The following IGSF10 variants were observed in gnomAD, a reference collection of about 807,000 sequenced individuals.
IGSF10 encodes the protein calvaria mechanical force protein 608.
In IGSF10, 126 loss-of-function variants were observed where a neutral mutation model predicts 128.2. The observed-to-expected ratio is 0.98, with a 90% CI of 0.85 to 1.14. IGSF10 has a LOEUF of 1.14. Ranked by LOEUF, IGSF10 falls within the 50% of genes most tolerant of loss-of-function variation. The pLI, the probability that IGSF10 is intolerant of heterozygous loss-of-function variation, is 0.00. For synonymous variants in IGSF10, 1,185 were observed against 1,146.2 expected, an observed-to-expected ratio of 1.03 and a Z score of -0.68; for missense variants, 3,295 against 3,149.8, an observed-to-expected ratio of 1.05 and a Z score of -1.10.
the IGSF10 span, among the ~76,000 whole-genome samples, chr3:151,485,872 A>G: frequency 2.6e-5 from 4 of 152,204 alleles, no homozygotes; most frequent in African/African-American, 9.6e-5. Flanking sequence ...GACCATCCAC[A>G]CTATGAAGAA....
chr3:151,469,245 T>C, the IGSF10 span, among the ~76,000 whole-genome samples: 1 of 152,326 alleles, frequency 6.6e-6, no homozygotes, highest in South Asian at 2.1e-4. Flanking sequence ...TTCCTTTGGG[T>C]ATATACCCAG....
In IGSF10 at chr3:151,448,196, G is replaced by T. The variant is rs375970433; in HGVS notation, c.1785C>A (p.Cys595Ter). 3 of 1,614,184 alleles carry T rather than the reference G, an allele frequency of 1.9e-6. No individual in the cohort carries two copies. The highest frequency in any genetic ancestry group is 8.5e-7 in the Non-Finnish European group (1 of 1,180,032). ...VFIGETLDLP[C>*]HSTGIPDASI... ...AGGCATCTGGGATACCAGTAGAATG[G>T]CATGGAAGATCAAGTGTTTCACCAA... is the stretch of plus-strand genomic sequence containing the variant. Residue 595 changes from cysteine (C) to a stop codon, truncating the protein, a stop_gained, in exon 6 of 8, where the codon TGC becomes TGA. Transcript: ENST00000282466. LOFTEE classifies it high-confidence loss of function.
rs1319244274 is a variant in IGSF10 at position 151,448,092 on chromosome 3, A to T, written c.1889T>A (p.Leu630Ter). Reference sequence around the variant, plus strand: ...TTTCGGGGTGACCTGTAATATTCTTAATGTGCCATTGTTTAGAACTTTCTT... The same window carrying T: ...TTTCGGGGTGACCTGTAATATTCTTTATGTGCCATTGTTTAGAACTTTCTT... ...RDKKVLNNGT[L>*]RILQVTPKDQ... Residue 630 changes from leucine to a stop codon, truncating the protein, a stop_gained, in exon 6 of 8, where the codon TTA (leucine) becomes TAA (stop). Coordinates refer to ENST00000282466, the MANE Select transcript of IGSF10 (RefSeq NM_178822.5). LOFTEE classifies it high-confidence loss of function. The T allele has an allele frequency of 6.2e-7, 1 of 1,614,100 alleles. No homozygotes were observed.
chr3:151,544,429 A>G, the IGSF10 span, among the ~76,000 whole-genome samples: 1 of 152,186 alleles, frequency 6.6e-6, no homozygotes, highest in African/African-American at 2.4e-5. Flanking sequence ...AGCAACCTCT[A>G]AAGCTTTTCA....
In IGSF10 at chr3:151,445,109, TTTC is replaced by T; in HGVS notation, c.4869_4871del (p.Lys1624del). The stretch of plus-strand genomic sequence containing the variant: ...TGGAAGTTGTTGCTTCTTGAACTGG[TTTC>T]TTATCAAAGTCACTCTTCTTTGTGT... On this transcript the variant is annotated inframe_deletion, in exon 6 of 8. Coordinates refer to ENST00000282466, the MANE Select transcript of IGSF10 (RefSeq NM_178822.5). 1 of 1,614,114 alleles carries T rather than the reference TTTC, an allele frequency of 6.2e-7. No homozygotes were observed. The highest frequency in any genetic ancestry group is 8.5e-7 in the Non-Finnish European group (1 of 1,180,012).
At chr3:151,563,963 A>C in the IGSF10 span, among the ~76,000 whole-genome samples, 1 of 152,182 alleles carries the variant, frequency 6.6e-6, no homozygotes, top group South Asian at 2.1e-4. Flanking sequence ...AAATGAAGAC[A>C]TCAGAGGGTA....
the IGSF10 span, among the ~76,000 whole-genome samples, chr3:151,575,876 A>G: frequency 6.6e-6 from 1 of 152,088 alleles, no homozygotes; most frequent in Non-Finnish European, 1.5e-5. Flanking sequence ...CTATTTTTTC[A>G]TCTTTATCAA....
At chr3:151,479,628 A>G in the IGSF10 span, among the ~76,000 whole-genome samples, 600 of 152,344 alleles carry the variant, frequency 3.9e-3, 5 homozygotes, top group South Asian at 0.016. Context: ...GTCCTCTACT[A>G]AAGTGAAACA....
the IGSF10 span, among the ~76,000 whole-genome samples, chr3:151,619,321 T>A: frequency 6.6e-6 from 1 of 152,088 alleles, no homozygotes. Context: ...TAAATATGAA[T>A]GTAAAGTTTT....
rs1395400596 is a variant in IGSF10 at position 151,436,995 on chromosome 3, CAT to C, written c.7564_7565del (p.Met2522AspfsTer44). ...VGHTLITVPV[M>X]IVAYPPRITN... Reference sequence around the variant, plus strand: ...TAATTCGGGGAGGGTAGGCTACAATCATTACTGGAACAGTAATCAGTGTATGA... The same window carrying C: ...TAATTCGGGGAGGGTAGGCTACAATCTACTGGAACAGTAATCAGTGTATGA... On this transcript the variant is annotated frameshift_variant, in exon 8 of 8. Coordinates refer to ENST00000282466, the MANE Select transcript of IGSF10 (RefSeq NM_178822.5). LOFTEE classifies it low-confidence loss of function (END_TRUNC). 2 of 1,614,062 alleles carry C rather than the reference CAT, an allele frequency of 1.2e-6. No individual in the cohort carries two copies. Among genetic ancestry groups the C allele is most frequent in the African/African-American group, 1.3e-5 (1 of 74,924 alleles).
chr3:151,596,744 G>T, the IGSF10 span, among the ~76,000 whole-genome samples: 76 of 152,206 alleles, frequency 5.0e-4, no homozygotes, highest in Non-Finnish European at 2.6e-4. Context: ...CTGAAATTAG[G>T]TCACTGAGAA....
the IGSF10 span, among the ~76,000 whole-genome samples, chr3:151,546,683 CTGA>C: frequency 1.3e-5 from 2 of 152,240 alleles, no homozygotes; most frequent in Non-Finnish European, 2.9e-5. Flanking sequence ...TTGTACAAGC[CTGA>C]TGATTAAAGT....
At chr3:151,580,041 T>C in the IGSF10 span, among the ~76,000 whole-genome samples, 1 of 152,106 alleles carries the variant, frequency 6.6e-6, no homozygotes, top group Non-Finnish European at 1.5e-5. Flanking sequence ...AGACTTCTTA[T>C]TAGAAGCTAT....
chr3:151,523,490 A>G, the IGSF10 span, among the ~76,000 whole-genome samples: 1 of 152,166 alleles, frequency 6.6e-6, no homozygotes. Flanking sequence ...ATGGAACAGA[A>G]TAGCAAGCCC....
rs770332027 is a variant in IGSF10 at position 151,437,315 on chromosome 3, T to G, written c.7246A>C (p.Lys2416Gln). The change falls in exon 8 of 8, where the codon AAA becomes CAA. Residue 2416 changes from lysine (K) to glutamine (Q), a missense_variant. Transcript: ENST00000282466. ...AGKYRCAARNKVGYIEKLVIL... is the reference protein window; with the variant it reads ...AGKYRCAARNQVGYIEKLVIL... ...ACTAATTTCTCAATATAGCCAACTT[T>G]ATTCCTAGCTGCACAGCGATATTTT... 5.0e-6 allele frequency: 8 copies of G among 1,614,104 alleles called. No homozygotes were observed. In the African/African-American group the frequency reaches 9.3e-5, roughly 19 times the overall value.
Position 151,438,151 on chromosome 3 carries a change from A to G in IGSF10, c.6410T>C (p.Ile2137Thr), listed in dbSNP as rs1439470545. The change falls in exon 8 of 8, where the codon ATA becomes ACA. Residue 2137 changes from isoleucine to threonine, a missense_variant. Ile to Thr is a moderately conservative substitution (Grantham distance 89). Transcript: ENST00000282466. Reference sequence around the variant, plus strand: ...CTGCCTTATCCGGGGAGCAGCTGTTATAACTGTTAAGTGGACCTTCATTTC... The same window carrying G: ...CTGCCTTATCCGGGGAGCAGCTGTTGTAACTGTTAAGTGGACCTTCATTTC... The part of the protein sequence containing the change: ...KDEMKVHLTV[I>T]TAAPRIRQSN... 2.5e-6 allele frequency: 4 copies of G among 1,614,036 alleles called. No homozygotes were observed. Among genetic ancestry groups the G allele is most frequent in the Admixed American group, 1.7e-5 (1 of 59,994 alleles).
the IGSF10 span, among the ~76,000 whole-genome samples, chr3:151,597,145 C>G: frequency 2.4e-4 from 36 of 152,230 alleles, no homozygotes; most frequent in African/African-American, 8.4e-4. Context: ...CCAAATGAAC[C>G]ATTGACCTCA....
the IGSF10 span, among the ~76,000 whole-genome samples, chr3:151,507,801 G>T: frequency 4.7e-4 from 72 of 152,212 alleles, no homozygotes; most frequent in African/African-American, 1.7e-3. Context: ...ATTTGGGTGA[G>T]AACACAGTTA....
Position 151,437,597 on chromosome 3 carries a change from T to G in IGSF10, c.6964A>C (p.Ser2322Arg), listed in dbSNP as rs1398096663. The part of the protein sequence containing the change: ...ICVARNEGGE[S>R]VLVVQLEVLE... ...ACTTCTAACTGTACTACCAACACGC[T>G]CTCTCCACCTTCATTTCGGGCCACA... Residue 2322 changes from serine to arginine, a missense_variant, in exon 8 of 8, where the codon AGC becomes CGC. By Grantham distance (110) the Ser-to-Arg change is moderately radical. Coordinates refer to ENST00000282466, the MANE Select transcript of IGSF10 (RefSeq NM_178822.5). The G allele has an allele frequency of 3.1e-6, 5 of 1,614,032 alleles. No homozygotes were observed. The highest frequency in any genetic ancestry group is 3.3e-5 in the Admixed American group (2 of 60,000).
Sources: gnomAD v4.1 joint callset for allele counts (sites outside exome capture counted in the v4.1 genomes callset) on GRCh38, gnomAD v4.1.1 for gene constraint, MANE v1.5 for transcripts, NCBI Gene and HGNC (gene_info 2026-07-23, HGNC 2026-07-21) for gene names.